Variants in MDGA2 observed in about 807,000 individuals in gnomAD.
MDGA2 encodes the protein MAM domain containing glycosylphosphatidylinositol anchor 2.
MDGA2 carries 40 observed loss-of-function variants against 117.8 expected under a neutral mutation model. That is an observed-to-expected ratio of 0.34 (90% CI 0.26 to 0.44). MDGA2 has a LOEUF of 0.44. MDGA2 is among the 20% of genes least tolerant of loss of function. MDGA2 has a pLI of 1.00. For missense variants in MDGA2, 1,123 were observed against 1,250.6 expected (o/e 0.90, Z 1.54); for synonymous variants, 452 against 439.0 (o/e 1.03, Z -0.37).
intron 5 of MDGA2, among the ~76,000 whole-genome samples, chr14:47,127,609 A>T (rs1309126099): frequency 1.3e-5 from 2 of 152,148 alleles, no homozygotes; most frequent in African/African-American, 4.8e-5. Flanking sequence ...TGCAGTGAAC[A>T]TCAATCAAAA....
At chr14:47,158,867 A>G (rs1285795508) in intron 3 of MDGA2, among the ~76,000 whole-genome samples, 2 of 152,232 alleles carry the variant, frequency 1.3e-5, no homozygotes, top group Non-Finnish European at 2.9e-5. Context: ...AGTGCTGAAA[A>G]GAAGTGAGCT....
At chr14:46,872,438 G>A (rs1882044572) in intron 14 of MDGA2, among the ~76,000 whole-genome samples, 1 of 151,782 alleles carries the variant, frequency 6.6e-6, no homozygotes, top group Admixed American at 6.6e-5. Flanking sequence ...TTGATGCAGT[G>A]ACTCATTCCT....
intron 14 of MDGA2, among the ~76,000 whole-genome samples, chr14:46,863,710 A>T (rs1206959957): frequency 1.3e-5 from 2 of 152,110 alleles, no homozygotes; most frequent in Non-Finnish European, 2.9e-5. Context: ...CATATCATTA[A>T]TTTTGCTTAA....
chr14:47,319,038 C>T (rs2139868329), intron 1 of MDGA2, among the ~76,000 whole-genome samples: 1 of 152,208 alleles, frequency 6.6e-6, no homozygotes, highest in South Asian at 2.1e-4. Context: ...AATTGCCTTT[C>T]CTATGTTCTA....
intron 2 of MDGA2, among the ~76,000 whole-genome samples, chr14:47,259,117 C>A (rs948606980): frequency 6.6e-6 from 1 of 151,424 alleles, no homozygotes; most frequent in East Asian, 2.0e-4. Flanking sequence ...TGCCCTGGAG[C>A]GTTTTTGTTG....
intron 1 of MDGA2, among the ~76,000 whole-genome samples, chr14:47,368,278 T>C (rs952942667): frequency 5.3e-5 from 8 of 151,860 alleles, no homozygotes; most frequent in Non-Finnish European, 8.8e-5. Context: ...CCAAACTCTG[T>C]CTAAACAAAA....
chr14:47,595,246 A>G (rs535947697), intron 1 of MDGA2, among the ~76,000 whole-genome samples: 8 of 152,100 alleles, frequency 5.3e-5, no homozygotes, highest in African/African-American at 1.9e-4. Context: ...GAGAAAAAAA[A>G]AAAGAAAAAC....
chr14:47,169,568 C>A (rs780440453), intron 3 of MDGA2, among the ~76,000 whole-genome samples: 11 of 151,612 alleles, frequency 7.3e-5, no homozygotes, highest in Admixed American at 1.3e-4. Flanking sequence ...CAAAAATTGT[C>A]AACATGGAAA....
chr14:47,517,514 T>G (rs1377592496), intron 1 of MDGA2, among the ~76,000 whole-genome samples: 2 of 152,150 alleles, frequency 1.3e-5, no homozygotes, highest in Non-Finnish European at 2.9e-5. Flanking sequence ...CAGATGAGAT[T>G]TGAAAAAAAA....
chr14:47,396,699 G>T (rs1366128426), intron 1 of MDGA2, among the ~76,000 whole-genome samples: 1 of 152,140 alleles, frequency 6.6e-6, no homozygotes, highest in Non-Finnish European at 1.5e-5. Flanking sequence ...CTTCTCAAAA[G>T]AAGACATTTA....
chr14:47,010,828 T>G (rs961993476), intron 8 of MDGA2, among the ~76,000 whole-genome samples: 5 of 152,078 alleles, frequency 3.3e-5, no homozygotes, highest in African/African-American at 4.8e-5. Flanking sequence ...TTTGAATGTC[T>G]AGCTTCCTTT....
intron 3 of MDGA2, among the ~76,000 whole-genome samples, chr14:47,214,694 C>T (rs1886020057): frequency 1.3e-5 from 2 of 152,158 alleles, no homozygotes; most frequent in South Asian, 4.1e-4. Flanking sequence ...ACCATTGTGT[C>T]AAATTCCTTT....
chr14:47,615,695 A>G (rs2138915529), intron 1 of MDGA2, among the ~76,000 whole-genome samples: 1 of 152,358 alleles, frequency 6.6e-6, no homozygotes, highest in East Asian at 1.9e-4. Flanking sequence ...TAAAGCCTCA[A>G]TCTCATTTAT....
At chr14:46,885,717 A>C (rs1290971793) in intron 10 of MDGA2, among the ~76,000 whole-genome samples, 1 of 152,008 alleles carries the variant, frequency 6.6e-6, no homozygotes, top group Non-Finnish European at 1.5e-5. Context: ...ACTGGAGACT[A>C]CTTGGTCAGA....
At chr14:47,364,394 A>G (rs1285236114) in intron 1 of MDGA2, among the ~76,000 whole-genome samples, 1 of 152,154 alleles carries the variant, frequency 6.6e-6, no homozygotes, top group Non-Finnish European at 1.5e-5. Context: ...CCTCCCAAGT[A>G]GCTGGGACTA....
At chr14:47,122,233 A>G (rs1881689532) in intron 5 of MDGA2, among the ~76,000 whole-genome samples, 1 of 152,116 alleles carries the variant, frequency 6.6e-6, no homozygotes, top group Non-Finnish European at 1.5e-5. Context: ...AATTGATCAT[A>G]CTACTCTACT....
In MDGA2 at chr14:47,244,672, G is replaced by A. The variant is rs770209965; in HGVS notation, c.421-26477C>T. On this transcript the variant is annotated intron_variant, in intron 2 of 16. Transcript: ENST00000399232. ...TTATGGCAAACATATTGTTGTCTAG[G>A]TTATAGTACACAGACCAGCTGGTAT... 3.3e-5 allele frequency among the ~76,000 whole-genome samples: 5 copies of A among 151,736 alleles called. 1 individual carries two copies. Among genetic ancestry groups the A allele is most frequent in the Non-Finnish European group, 5.9e-5 (4 of 67,816 alleles).
chr14:47,673,632 A>ATATGTG (rs1473067686), intron 1 of MDGA2, among the ~76,000 whole-genome samples: 1 of 143,980 alleles, frequency 6.9e-6, no homozygotes, highest in South Asian at 2.3e-4. Context: ...TATGACCTGG[A>ATATGTG]TGTGTGTGTG....
intron 3 of MDGA2, chr14:47,200,534 C>CTTTTTTTTTTTTTTTTTTTTTTTTTCTTT (rs10639284): frequency 2.6e-6 from 1 of 390,740 alleles, no homozygotes; most frequent in African/African-American, 2.5e-5. Context: ...TTTTTCTTTT[C>CTTTTTTTTTTTTTTTTTTTTTTTTTCTTT]TTTTTTTTTT....
Sources: gnomAD v4.1 joint callset for allele counts (sites outside exome capture counted in the v4.1 genomes callset) on GRCh38, gnomAD v4.1.1 for gene constraint, MANE v1.5 for transcripts, NCBI Gene and HGNC (gene_info 2026-07-23, HGNC 2026-07-21) for gene names.